Variants in CHCHD6 observed in about 807,000 individuals in gnomAD.
CHCHD6 encodes MICOS complex subunit MIC25.
Under a neutral mutation model 32.3 loss-of-function variants are expected in CHCHD6, and 28 were observed. That is an observed-to-expected ratio of 0.87 (90% CI 0.64 to 1.19). The LOEUF is 1.19. Ranked by LOEUF, CHCHD6 falls within the 50% of genes most tolerant of loss-of-function variation. CHCHD6 has a pLI of 0.00. For missense variants in CHCHD6, 333 were observed against 307.0 expected (o/e 1.08, Z -0.63); for synonymous variants, 122 against 117.5 (o/e 1.04, Z -0.25).
intron 5 of CHCHD6, among the ~76,000 whole-genome samples, chr3:126,893,375 C>T (rs865859174): frequency 1.4e-4 from 21 of 152,330 alleles, no homozygotes; most frequent in Middle Eastern, 6.8e-3. Context: ...TGAGGTGTCT[C>T]ATAGCCCTGA....
At position 126,833,239 on chromosome 3, in the gene CHCHD6, G is replaced by A. The variant is rs957359957; in HGVS notation, c.412-19408G>A. On this transcript the variant is annotated intron_variant, in intron 4 of 7. Transcript: ENST00000290913. ...CTTGTTAGTTAAGGAGCCATATTAG[G>A]GAGACAGTTTCCTTCCGAAGTTGGG... Among the ~76,000 whole-genome samples the A allele has an allele frequency of 2.6e-5, 4 of 152,216 alleles. No homozygotes were observed. The East Asian group carries it at 7.7e-4, about 29-fold the overall frequency.
intron 4 of CHCHD6, among the ~76,000 whole-genome samples, chr3:126,775,921 C>A (rs1199217287): frequency 1.3e-5 from 2 of 152,184 alleles, no homozygotes; most frequent in African/African-American, 4.8e-5. Context: ...TGTAGCACTC[C>A]CTATTGGAGA....
intron 6 of CHCHD6, among the ~76,000 whole-genome samples, chr3:126,951,325 G>A (rs1350700573): frequency 1.3e-5 from 2 of 152,148 alleles, no homozygotes; most frequent in Non-Finnish European, 2.9e-5. Context: ...GTTATTTATA[G>A]GAGTGTGAAA....
chr3:126,824,560 C>CAAAAAAAAAAA (rs71150454), intron 4 of CHCHD6, among the ~76,000 whole-genome samples: 3,248 of 39,836 alleles, frequency 0.082, 656 homozygotes, highest in Admixed American at 0.11. Flanking sequence ...GACTCTGTCT[C>CAAAAAAAAAAA]AAAAAAAAAA....
intron 5 of CHCHD6, among the ~76,000 whole-genome samples, chr3:126,865,085 TTCCTCCTCCTCCTCCA>T: frequency 1.6e-5 from 1 of 61,930 alleles, no homozygotes; most frequent in Admixed American, 1.3e-4. Flanking sequence ...CCTCCACTTC[TTCCTCCTCCTCCTCCA>T]CCACCACCTC....
chr3:126,719,458 T>G (rs1935177915), intron 1 of CHCHD6, among the ~76,000 whole-genome samples: 1 of 152,218 alleles, frequency 6.6e-6, no homozygotes, highest in Non-Finnish European at 1.5e-5. Flanking sequence ...CAATCACTAG[T>G]GCACCCCATT....
At chr3:126,736,689 G>C (rs545975729) in intron 4 of CHCHD6, among the ~76,000 whole-genome samples, 1 of 152,272 alleles carries the variant, frequency 6.6e-6, no homozygotes, top group Non-Finnish European at 1.5e-5. Flanking sequence ...GTGATGAACT[G>C]TTCTGTGCGT....
Position 126,727,100 on chromosome 3 carries a change from G to A in CHCHD6, c.110G>A (p.Arg37His), listed in dbSNP as rs1250867002. 8.1e-6 allele frequency: 13 copies of A among 1,613,634 alleles called. No individual in the cohort carries two copies. The highest frequency in any genetic ancestry group is 2.2e-5 in the East Asian group (1 of 44,886). The change falls in exon 2 of 8, where the codon CGC becomes CAC. Residue 37 changes from arginine (R) to histidine (H), a missense_variant. Physicochemically the swap from Arg to His is conservative, Grantham distance 29 (BLOSUM62 0). Coordinates refer to ENST00000290913, the MANE Select transcript of CHCHD6 (RefSeq NM_032343.3). Reference protein sequence around the residue: ...GVRLSENVVNRMKEPSSPPPA... With the variant: ...GVRLSENVVNHMKEPSSPPPA... The stretch of plus-strand genomic sequence containing the variant: ...TAGCTGTCTGAAAACGTGGTGAACC[G>A]CATGAAGGAGCCCAGCTCTCCACCC...
chr3:126,791,055 G>A (rs2107685852), intron 4 of CHCHD6, among the ~76,000 whole-genome samples: 1 of 152,356 alleles, frequency 6.6e-6, no homozygotes, highest in Admixed American at 6.5e-5. Context: ...AGGGTCCTCA[G>A]CTGCAGGTCT....
At chr3:126,899,008 A>G (rs1230369985) in intron 5 of CHCHD6, among the ~76,000 whole-genome samples, 1 of 152,250 alleles carries the variant, frequency 6.6e-6, no homozygotes. Flanking sequence ...GCAGGCAGTT[A>G]GACACAGAGG....
intron 4 of CHCHD6, among the ~76,000 whole-genome samples, chr3:126,796,572 C>A (rs1248711837): frequency 1.3e-5 from 2 of 152,128 alleles, no homozygotes; most frequent in Non-Finnish European, 2.9e-5. Context: ...CTCGTCCACA[C>A]CATGGAGTAT....
At chr3:126,750,925 A>C (rs553045455) in intron 4 of CHCHD6, among the ~76,000 whole-genome samples, 1 of 152,176 alleles carries the variant, frequency 6.6e-6, no homozygotes, top group Non-Finnish European at 1.5e-5. Context: ...TCTCCACAAG[A>C]AGGCACAGCT....
Position 126,879,487 on chromosome 3 carries a change from A to G in CHCHD6, c.495+26757A>G, listed in dbSNP as rs919177515. Among the ~76,000 whole-genome samples, 11 of 152,366 alleles carry G rather than the reference A, an allele frequency of 7.2e-5. 1 individual carries two copies. Among genetic ancestry groups the G allele is most frequent in the South Asian group, 6.2e-4 (3 of 4,830 alleles). ...ACCTGAATCTAATAATAAGAAAACA[A>G]TCTTTCAAGTCTATATTGAAGGATG... On this transcript the variant is annotated intron_variant, in intron 5 of 7. Coordinates refer to ENST00000290913, the MANE Select transcript of CHCHD6 (RefSeq NM_032343.3).
chr3:126,944,845 G>A (rs2078612165), intron 6 of CHCHD6, among the ~76,000 whole-genome samples: 1 of 152,224 alleles, frequency 6.6e-6, no homozygotes, highest in African/African-American at 2.4e-5. Flanking sequence ...CAATCAGGCA[G>A]GATGGAGACT....
intron 6 of CHCHD6, among the ~76,000 whole-genome samples, chr3:126,918,340 G>A (rs2078199345): frequency 6.6e-6 from 1 of 152,204 alleles, no homozygotes. Flanking sequence ...AGATGTCCAT[G>A]TATTCATTCA....
At chr3:126,943,756 C>T (rs1428054105) in intron 6 of CHCHD6, among the ~76,000 whole-genome samples, 1 of 152,102 alleles carries the variant, frequency 6.6e-6, no homozygotes, top group African/African-American at 2.4e-5. Flanking sequence ...GTGTTCTGTG[C>T]AGCTCCAGTT....
chr3:126,814,428 C>G (rs1447055112), intron 4 of CHCHD6, among the ~76,000 whole-genome samples: 1 of 152,200 alleles, frequency 6.6e-6, no homozygotes, highest in African/African-American at 2.4e-5. Context: ...TGACTGATAA[C>G]TTCAGCATGG....
intron 4 of CHCHD6, among the ~76,000 whole-genome samples, chr3:126,826,787 C>A (rs1940412211): frequency 6.6e-6 from 1 of 152,106 alleles, no homozygotes; most frequent in Non-Finnish European, 1.5e-5. Context: ...ACTACTAAGG[C>A]CTCCTTTTTG....
At chr3:126,903,978 G>A (rs1209268455) in intron 5 of CHCHD6, among the ~76,000 whole-genome samples, 1 of 152,142 alleles carries the variant, frequency 6.6e-6, no homozygotes, top group Non-Finnish European at 1.5e-5. Context: ...TACCTTTCAC[G>A]TACCATAGCA....
Sources: allele counts gnomAD v4.1 joint callset (sites outside exome capture counted in the v4.1 genomes callset), GRCh38; gene constraint gnomAD v4.1.1; transcripts MANE v1.5; gene names NCBI Gene and HGNC (gene_info 2026-07-23, HGNC 2026-07-21).